PCSK5: variants seen among roughly 807,000 people sequenced by gnomAD.
PCSK5 encodes the protein prohormone convertase 5.
Under a neutral mutation model 233.2 loss-of-function variants are expected in PCSK5, and 129 were observed. The observed-to-expected ratio is 0.55, with a 90% CI of 0.48 to 0.64. The LOEUF (loss-of-function observed/expected upper bound fraction) is 0.64, where lower values mean the gene tolerates loss of function less well. Among genes scored for constraint, PCSK5 ranks in the 30% least tolerant of loss-of-function variants. PCSK5 has a pLI of 0.00. For synonymous variants in PCSK5, 825 were observed against 879.2 expected, an observed-to-expected ratio of 0.94 and a Z score of 1.09; for missense variants, 2,076 against 2,430.1, an observed-to-expected ratio of 0.85 and a Z score of 3.06.
chr9:76,328,074 A>G lies in PCSK5; in HGVS notation c.4405A>G (p.Ile1469Val). 2 of 1,612,900 alleles carry G rather than the reference A, an allele frequency of 1.2e-6. No individual in the cohort carries two copies. The highest frequency in any genetic ancestry group is 2.7e-5 in the African/African-American group (2 of 75,050). Residue 1469 changes from isoleucine (I) to valine (V), a missense_variant, in exon 33 of 38, where the codon ATC becomes GTC. Physicochemically the swap from Ile to Val is conservative, Grantham distance 29. Around this residue, in one of 6 missense-constraint regions of PCSK5, gnomAD observed 1,510 missense variants for 1,538.1 expected, o/e 0.98. Coordinates refer to ENST00000674117, the MANE Select transcript of PCSK5 (RefSeq NM_001372043.1). ...GTCTTCQKGL[I>V]MNPRGSCMAN... ...CTGCACCACCTGTCAGAAAGGCCTG[A>G]TCATGAACCCTCGTGGGAGCTGCAT... is the stretch of plus-strand genomic sequence containing the variant.
chr9:76,104,036 C>T (rs769806421), intron 8 of PCSK5, among the ~76,000 whole-genome samples: 8 of 152,124 alleles, frequency 5.3e-5, no homozygotes, highest in African/African-American at 7.2e-5. Flanking sequence ...CTGTCAGATC[C>T]TATATACATG....
chr9:75,977,316 G>C (rs1357131804), intron 2 of PCSK5, among the ~76,000 whole-genome samples: 2 of 151,744 alleles, frequency 1.3e-5, no homozygotes, highest in African/African-American at 4.8e-5. Flanking sequence ...TCACTGCACA[G>C]ATCATCCCTT....
At chr9:75,936,608 G>C (rs1047668962) in intron 2 of PCSK5, among the ~76,000 whole-genome samples, 1 of 152,078 alleles carries the variant, frequency 6.6e-6, no homozygotes, top group African/African-American at 2.4e-5. Context: ...ACATCTTCAG[G>C]CTCCACTTCT....
At chr9:75,993,045 C>T (rs772416555) in intron 3 of PCSK5, among the ~76,000 whole-genome samples, 9 of 152,234 alleles carry the variant, frequency 5.9e-5, no homozygotes, top group South Asian at 4.1e-4. Flanking sequence ...ACTGTCTCTG[C>T]GGTTGGCACA....
At chr9:75,907,418 T>C (rs2131218046) in intron 1 of PCSK5, among the ~76,000 whole-genome samples, 1 of 152,288 alleles carries the variant, frequency 6.6e-6, no homozygotes, top group South Asian at 2.1e-4. Flanking sequence ...TAAAGGGGTA[T>C]GGTAAAAAGC....
At chr9:76,175,282 G>A (rs200392158) in intron 14 of PCSK5, 153 bp downstream of exon 14, 8 of 616,142 alleles carry the variant, frequency 1.3e-5, no homozygotes, top group Non-Finnish European at 2.3e-5. Flanking sequence ...GAATCGAATC[G>A]AATCGAATCG....
At chr9:76,173,627 C>T (rs17062174) in intron 13 of PCSK5, among the ~76,000 whole-genome samples, 1 of 148,462 alleles carries the variant, frequency 6.7e-6, no homozygotes, top group Non-Finnish European at 1.5e-5. Context: ...GTGATCCAGA[C>T]TCATAGAAGG....
chr9:75,928,927 A>ATATTTATTTATTTATT (rs71499119), intron 1 of PCSK5, among the ~76,000 whole-genome samples: 2,988 of 149,802 alleles, frequency 0.02, 100 homozygotes, highest in African/African-American at 0.067. Flanking sequence ...AAGGATTCTG[A>ATATTTATTTATTTATT]TATTTATTTA....
intron 1 of PCSK5, among the ~76,000 whole-genome samples, chr9:75,910,927 A>C (rs1273032923): frequency 6.6e-6 from 1 of 152,226 alleles, no homozygotes; most frequent in East Asian, 1.9e-4. Context: ...TCTGAGATTT[A>C]AAATGTGATG....
chr9:76,307,947 C>T (rs1191001650), intron 28 of PCSK5, among the ~76,000 whole-genome samples: 2 of 152,216 alleles, frequency 1.3e-5, no homozygotes, highest in East Asian at 3.9e-4. Flanking sequence ...CCTGTAATCC[C>T]AGCAGTTTGG....
At chr9:75,956,985 T>C (rs566408765) in intron 2 of PCSK5, among the ~76,000 whole-genome samples, 70 of 152,194 alleles carry the variant, frequency 4.6e-4, no homozygotes, top group African/African-American at 1.7e-3. Flanking sequence ...GGACAAAATA[T>C]TACGAATAAC....
At chr9:75,993,572 C>G (rs1826867160) in intron 3 of PCSK5, among the ~76,000 whole-genome samples, 1 of 151,694 alleles carries the variant, frequency 6.6e-6, no homozygotes, top group Non-Finnish European at 1.5e-5. Flanking sequence ...AATTCAAAGT[C>G]AATATGTACC....
chr9:76,293,799 A>C (rs143042768), intron 25 of PCSK5, among the ~76,000 whole-genome samples: 1 of 152,400 alleles, frequency 6.6e-6, no homozygotes, highest in East Asian at 1.9e-4. Flanking sequence ...AACATGCTCC[A>C]ATATCACTAA....
intron 5 of PCSK5, among the ~76,000 whole-genome samples, chr9:76,045,739 G>C (rs1348636084): frequency 6.6e-6 from 1 of 152,086 alleles, no homozygotes; most frequent in African/African-American, 2.4e-5. Flanking sequence ...ACTTGTTATG[G>C]TCTTCCTGGT....
Position 75,989,043 on chromosome 9 carries a change from C to T in PCSK5, c.411+2798C>T, listed in dbSNP as rs531638957. Among the ~76,000 whole-genome samples, 47 of 152,290 alleles carry T rather than the reference C, an allele frequency of 3.1e-4. 1 individual carries two copies. In the South Asian group the frequency reaches 9.3e-3, roughly 30 times the overall value. On this transcript the variant is annotated intron_variant, in intron 3 of 37. Coordinates refer to ENST00000674117, the MANE Select transcript of PCSK5 (RefSeq NM_001372043.1). Reference sequence around the variant, plus strand: ...GACAACCAAAGTACTTCACAGATTCCTGTTAAATGATTACTTTCCCTTAAT... The same window carrying T: ...GACAACCAAAGTACTTCACAGATTCTTGTTAAATGATTACTTTCCCTTAAT...
intron 12 of PCSK5, among the ~76,000 whole-genome samples, chr9:76,167,588 C>T (rs1238283011): frequency 6.6e-6 from 1 of 152,146 alleles, no homozygotes; most frequent in Non-Finnish European, 1.5e-5. Flanking sequence ...AACCCTTTAG[C>T]TTTAGAATCC....
chr9:76,099,045 G>A (rs1049740189), intron 8 of PCSK5, among the ~76,000 whole-genome samples: 1 of 152,094 alleles, frequency 6.6e-6, no homozygotes, highest in Non-Finnish European at 1.5e-5. Flanking sequence ...CCCAATTTTT[G>A]CTTGTGATTT....
chr9:75,905,248 C>T (rs1269666781), intron 1 of PCSK5, among the ~76,000 whole-genome samples: 1 of 152,070 alleles, frequency 6.6e-6, no homozygotes, highest in Admixed American at 6.5e-5. Context: ...CTGGCTGTTG[C>T]CTGTAATCCC....
intron 5 of PCSK5, among the ~76,000 whole-genome samples, chr9:76,035,433 A>G (rs1347919814): frequency 1.3e-5 from 2 of 151,980 alleles, no homozygotes; most frequent in African/African-American, 4.8e-5. Context: ...AGCCTTCAGA[A>G]CTCCTTGTTT....
Sources: allele counts gnomAD v4.1 joint callset (sites outside exome capture counted in the v4.1 genomes callset), GRCh38; gene constraint gnomAD v4.1.1; regional missense constraint gnomAD v4.1.1; transcripts MANE v1.5; gene names NCBI Gene and HGNC (gene_info 2026-07-23, HGNC 2026-07-21).